Variants in TUT7 observed in about 807,000 individuals in gnomAD.
TUT7 encodes the protein terminal uridylyl transferase 7.
TUT7 carries 33 observed loss-of-function variants against 165.9 expected under a neutral mutation model. The ratio of observed to expected loss-of-function variants is 0.20; its 90% confidence interval spans 0.15 to 0.27. The LOEUF (loss-of-function observed/expected upper bound fraction) is 0.27, where lower values mean the gene tolerates loss of function less well. Among genes scored for constraint, TUT7 ranks in the 10% least tolerant of loss-of-function variants. The probability of loss-of-function intolerance (pLI) is 1.00; values close to 1 mark genes in which losing one functional copy is unlikely to be tolerated. For missense variants in TUT7, 1,338 were observed against 1,762.3 expected (o/e 0.76, Z 4.31); for synonymous variants, 552 against 608.1 (o/e 0.91, Z 1.36).
At chr9:86,341,763 G>A (rs182673986) in intron 6 of TUT7, among the ~76,000 whole-genome samples, 2 of 151,908 alleles carry the variant, frequency 1.3e-5, no homozygotes, top group East Asian at 1.9e-4. Flanking sequence ...GCTCCTTTTC[G>A]TCTTTTAGAA....
chr9:86,299,752 G>A (rs1177464484), intron 26 of TUT7, among the ~76,000 whole-genome samples: 2 of 152,098 alleles, frequency 1.3e-5, no homozygotes, highest in East Asian at 3.9e-4. Context: ...TGCTGCTAGC[G>A]AGAAAAAAGA....
chr9:86,325,298 A>AG, intron 12 of TUT7, 36 bp downstream of exon 12: 1 of 1,595,366 alleles, frequency 6.3e-7, no homozygotes, highest in Non-Finnish European at 8.6e-7. Flanking sequence ...TTTAAAAAAA[A>AG]GAGTGGGGGG....
At chr9:86,332,601 C>T (rs772906102) in intron 10 of TUT7, among the ~76,000 whole-genome samples, 11 of 152,074 alleles carry the variant, frequency 7.2e-5, no homozygotes, top group Admixed American at 2.0e-4. Flanking sequence ...TTGGGTACTA[C>T]GCTTAGTACC....
At chr9:86,336,742 G>T (rs1210811509) in intron 10 of TUT7, 1 of 152,080 alleles carries the variant, frequency 6.6e-6, no homozygotes, top group Non-Finnish European at 1.5e-5. Context: ...AATACCAAGG[G>T]ATTACAAACA....
At chr9:86,332,136 C>G (rs1413002044) in intron 10 of TUT7, among the ~76,000 whole-genome samples, 4 of 152,022 alleles carry the variant, frequency 2.6e-5, no homozygotes, top group Non-Finnish European at 4.4e-5. Context: ...GAACACTTTC[C>G]TCAAAGAGCT....
At chr9:86,342,793 T>C (rs894809461) in intron 6 of TUT7, among the ~76,000 whole-genome samples, 1 of 152,154 alleles carries the variant, frequency 6.6e-6, no homozygotes, top group African/African-American at 2.4e-5. Flanking sequence ...GTTGATTTTA[T>C]CAAGAAAATT....
intron 26 of TUT7, among the ~76,000 whole-genome samples, chr9:86,299,054 G>C (rs956484683): frequency 6.6e-6 from 1 of 152,142 alleles, no homozygotes; most frequent in Non-Finnish European, 1.5e-5. Flanking sequence ...GGACAGACAG[G>C]AGTGCTGCAG....
intron 7 of TUT7, 58 bp from the exon 8 acceptor site, chr9:86,340,163 G>A (rs1175640609): frequency 1.4e-6 from 2 of 1,436,646 alleles, no homozygotes; most frequent in African/African-American, 2.8e-5. Context: ...TTTAAAAGCA[G>A]AACCAGATAA....
At chr9:86,289,094 C>T (rs1825727743) in intron 26 of TUT7, among the ~76,000 whole-genome samples, 1 of 152,046 alleles carries the variant, frequency 6.6e-6, no homozygotes, top group African/African-American at 2.4e-5. Context: ...TAATAGATTG[C>T]AAAGAATTAT....
In TUT7 at chr9:86,288,508, A is replaced by C; in HGVS notation, c.*169T>G. On this transcript the variant is annotated 3_prime_UTR_variant, in exon 27 of 27. Transcript: ENST00000375963. The stretch of plus-strand genomic sequence containing the variant: ...ATGTGTGGTAGATAAGACTATATTA[A>C]AAATTTTTCCTCATTAACAATTTCA... The C allele has an allele frequency of 2.1e-6, 1 of 486,080 alleles. No homozygotes were observed. The highest frequency in any genetic ancestry group is 3.1e-5 in the East Asian group (1 of 31,982). The allele number at this position is 486,080 out of a possible 1,614,324, so 30.1% of individuals were successfully genotyped here. A position where few individuals can be genotyped will look rare whatever the true frequency, so the allele number is the denominator to read the frequency against.
rs776300053 is a variant in TUT7, at chr9:86,319,641, G to C, written c.3058C>G (p.Gln1020Glu). 3.1e-6 allele frequency: 5 copies of C among 1,608,702 alleles called. No homozygotes were observed. In the East Asian group the frequency reaches 8.9e-5, roughly 29 times the overall value. The change falls in exon 15 of 27, where the codon CAG becomes GAG. Residue 1020 changes from glutamine (Q) to glutamate (E), a missense_variant. This residue lies in a region of TUT7 where 425 missense variants were observed against 474.9 expected (regional missense o/e 0.89). Coordinates refer to ENST00000375963, the MANE Select transcript of TUT7 (RefSeq NM_024617.4). ...KDFSPTIIED[Q>E]AREHIRQNLE... Reference sequence around the variant, plus strand: ...TTTTGCCGAATATGTTCACGAGCCTGATCTTCTATAATTGTTGGAGAAAAA... The same window carrying C: ...TTTTGCCGAATATGTTCACGAGCCTCATCTTCTATAATTGTTGGAGAAAAA...
chr9:86,288,675 C>T lies in TUT7; in HGVS notation c.*2G>A. 6.2e-7 allele frequency: 1 copy of T among 1,613,354 alleles called. No homozygotes were observed. Among genetic ancestry groups the T allele is most frequent in the Non-Finnish European group, 8.5e-7 (1 of 1,179,472 alleles). On this transcript the variant is annotated 3_prime_UTR_variant, in exon 27 of 27. Transcript: ENST00000375963. ...CATTTAGAGTGCTGCATTTTCCTTCCCTCATGATTCCTGCTGGGTCCTCTT... is the reference window on the plus strand; with the variant it reads ...CATTTAGAGTGCTGCATTTTCCTTCTCTCATGATTCCTGCTGGGTCCTCTT...
At chr9:86,315,746 T>A (rs1828654020) in intron 17 of TUT7, among the ~76,000 whole-genome samples, 1 of 132,600 alleles carries the variant, frequency 7.5e-6, no homozygotes, top group African/African-American at 3.3e-5. Context: ...ATCAATGCAC[T>A]TTTTTTCTTT....
intron 4 of TUT7, 56 bp downstream of exon 4, chr9:86,345,613 G>A (rs1405211401): frequency 1.6e-6 from 2 of 1,257,496 alleles, no homozygotes; most frequent in African/African-American, 3.0e-5. Context: ...CCACAAAGAT[G>A]ACAAGTAATA....
At chr9:86,351,426 A>T (rs1233172664) in intron 2 of TUT7, among the ~76,000 whole-genome samples, 1 of 152,200 alleles carries the variant, frequency 6.6e-6, no homozygotes, top group East Asian at 1.9e-4. Flanking sequence ...ACAGAGCGAG[A>T]CTCCGTCTCA....
intron 19 of TUT7, 83 bp from the exon 20 acceptor site, chr9:86,309,659 G>A (rs1827842758): frequency 2.5e-6 from 3 of 1,191,960 alleles, no homozygotes; most frequent in African/African-American, 3.1e-5. Flanking sequence ...TAAAAGTAAA[G>A]TGCATATTTT....
Position 86,319,572 on chromosome 9 carries a change from T to C in TUT7, c.3115+12A>G, listed in dbSNP as rs755160577. 3.2e-6 allele frequency: 5 copies of C among 1,566,970 alleles called. No individual in the cohort carries two copies. Among genetic ancestry groups the C allele is most frequent in the South Asian group, 1.2e-5 (1 of 85,666 alleles). On this transcript the variant is annotated intron_variant, in intron 15 of 26. Transcript: ENST00000375963. ...CACTACTTTTCTTAAAAATAAAAAA[T>C]AAATCATTTACCTGGAAAGTCCTGT...
intron 10 of TUT7, among the ~76,000 whole-genome samples, chr9:86,334,199 A>G (rs1402326482): frequency 6.6e-6 from 1 of 152,190 alleles, no homozygotes; most frequent in African/African-American, 2.4e-5. Flanking sequence ...CTTCAGTAAG[A>G]GTACCTCCGA....
Position 86,288,561 on chromosome 9 carries a change from C to A in TUT7, c.*116G>T. ...AAATTAAAAAAAAATCTGACATTTC[C>A]CTTAAATGTTAAGTTGAAGCCTGAT... On this transcript the variant is annotated 3_prime_UTR_variant, in exon 27 of 27. Coordinates refer to ENST00000375963, the MANE Select transcript of TUT7 (RefSeq NM_024617.4). 1 of 636,352 alleles carries A rather than the reference C, an allele frequency of 1.6e-6. No individual in the cohort carries two copies. Among genetic ancestry groups the A allele is most frequent in the Admixed American group, 3.8e-5 (1 of 26,474 alleles). The allele number at this position is 636,352 out of a possible 1,614,324, so 39.4% of individuals were successfully genotyped here.
Sources: gnomAD v4.1 joint callset for allele counts (sites outside exome capture counted in the v4.1 genomes callset) on GRCh38, gnomAD v4.1.1 for gene constraint, gnomAD v4.1.1 regional missense constraint, MANE v1.5 for transcripts, NCBI Gene and HGNC (gene_info 2026-07-23, HGNC 2026-07-21) for gene names.